PPARD: variants seen among roughly 807,000 people sequenced by gnomAD.
PPARD encodes the protein peroxisome proliferator-activated receptor delta.
Under a neutral mutation model 39.5 loss-of-function variants are expected in PPARD, and 6 were observed. The observed-to-expected ratio is 0.15, with a 90% CI of 0.08 to 0.30. The LOEUF is 0.30. Among genes scored for constraint, PPARD ranks in the 10% least tolerant of loss-of-function variants. PPARD has a pLI of 1.00. For synonymous variants in PPARD, 210 were observed against 231.3 expected, an observed-to-expected ratio of 0.91 and a Z score of 0.83; for missense variants, 397 against 596.8, an observed-to-expected ratio of 0.67 and a Z score of 3.49.
chr6:35,349,041 T>A (rs1761063336), intron 2 of PPARD: 1 of 980,448 alleles, frequency 1.0e-6, no homozygotes. Context: ...TTTTTTTTTT[T>A]TTGAGACGGA....
At chr6:35,354,297 A>G (rs1366028324) in intron 2 of PPARD, among the ~76,000 whole-genome samples, 5 of 149,394 alleles carry the variant, frequency 3.3e-5, no homozygotes, top group Non-Finnish European at 7.4e-5. Flanking sequence ...GTACTCATAC[A>G]ACCATTCTTT....
At chr6:35,362,603 G>C (rs1761987101) in intron 2 of PPARD, among the ~76,000 whole-genome samples, 2 of 152,274 alleles carry the variant, frequency 1.3e-5, no homozygotes, top group South Asian at 4.1e-4. Flanking sequence ...GGGGGTGGGG[G>C]TCTTGGGAAG....
intron 4 of PPARD, among the ~76,000 whole-genome samples, chr6:35,420,892 T>A (rs1766115289): frequency 1.5e-5 from 2 of 134,160 alleles, no homozygotes; most frequent in Non-Finnish European, 3.1e-5. Context: ...AGTGGCGTGA[T>A]CTCAGTTAAC....
intron 4 of PPARD, among the ~76,000 whole-genome samples, chr6:35,420,765 G>A (rs189610579): frequency 5.2e-4 from 74 of 142,338 alleles, no homozygotes; most frequent in African/African-American, 1.6e-3. Flanking sequence ...ATACATTTAT[G>A]AAGAAATCAA....
At chr6:35,351,690 A>G (rs1229542074) in intron 2 of PPARD, among the ~76,000 whole-genome samples, 1 of 151,996 alleles carries the variant, frequency 6.6e-6, no homozygotes, top group African/African-American at 2.4e-5. Context: ...AGTAGCTAGG[A>G]CTACAGGTAT....
intron 2 of PPARD, among the ~76,000 whole-genome samples, chr6:35,391,647 G>A (rs1764008902): frequency 6.6e-6 from 1 of 152,186 alleles, no homozygotes; most frequent in Non-Finnish European, 1.5e-5. Flanking sequence ...GAAAAGAGAC[G>A]ACTGTTTTCT....
At chr6:35,421,794 T>A (rs1474237885) in intron 4 of PPARD, 26 bp from the exon 5 acceptor site, 1 of 1,590,308 alleles carries the variant, frequency 6.3e-7, no homozygotes, top group Non-Finnish European at 8.6e-7. Context: ...CTGGTGGCCT[T>A]TCCTCACCTG....
chr6:35,361,573 T>C (rs1204040674), intron 2 of PPARD, among the ~76,000 whole-genome samples: 2 of 152,350 alleles, frequency 1.3e-5, no homozygotes, highest in South Asian at 4.1e-4. Context: ...TTGGCCTGCG[T>C]AGGTATTAAC....
At chr6:35,376,749 G>C (rs1017380619) in intron 2 of PPARD, among the ~76,000 whole-genome samples, 1 of 149,374 alleles carries the variant, frequency 6.7e-6, no homozygotes, top group Non-Finnish European at 1.5e-5. Context: ...CGCCGGGCAT[G>C]GTGGCTCACA....
At chr6:35,354,822 G>T (rs1761478546) in intron 2 of PPARD, among the ~76,000 whole-genome samples, 1 of 152,152 alleles carries the variant, frequency 6.6e-6, no homozygotes, top group Non-Finnish European at 1.5e-5. Context: ...TGATGGGTTT[G>T]TCCTTATAAG....
At chr6:35,381,313 G>T (rs1286650526) in intron 2 of PPARD, among the ~76,000 whole-genome samples, 3 of 152,146 alleles carry the variant, frequency 2.0e-5, no homozygotes, top group African/African-American at 4.8e-5. Context: ...GATTGGCCTT[G>T]TAAACTGTAG....
rs1001282094 is a variant in PPARD, at chr6:35,397,524, G to T, written c.-101-13463G>T. ...GTCTGGAATGGTCTGGAGTGGTCTG[G>T]AAAGCAGGGTCAGATACCCCTGGAA... On this transcript the variant is annotated intron_variant, in intron 2 of 7. Coordinates refer to ENST00000360694, the MANE Select transcript of PPARD (RefSeq NM_006238.5). The T allele has an allele frequency of 9.1e-6, 9 of 985,196 alleles. No individual in the cohort carries two copies. The Admixed American group carries it at 2.5e-4, about 27-fold the overall frequency. 61.0% of individuals were successfully genotyped at this position (985,196 alleles called of 1,614,324 possible).
chr6:35,374,129 C>T (rs1399980501), intron 2 of PPARD, among the ~76,000 whole-genome samples: 3 of 152,118 alleles, frequency 2.0e-5, no homozygotes, highest in African/African-American at 7.2e-5. Flanking sequence ...GCTGCACAGA[C>T]ACAGGGTTTC....
intron 2 of PPARD, among the ~76,000 whole-genome samples, chr6:35,351,173 C>T (rs1450682912): frequency 6.6e-6 from 1 of 151,678 alleles, no homozygotes. Flanking sequence ...CTACAGGTGC[C>T]CGCCACCACG....
intron 5 of PPARD, among the ~76,000 whole-genome samples, chr6:35,422,850 A>G (rs1259642534): frequency 6.6e-6 from 1 of 152,098 alleles, no homozygotes. Context: ...AGTGCTTACT[A>G]TGTGAGGATT....
At chr6:35,359,999 G>A (rs1022017490) in intron 2 of PPARD, among the ~76,000 whole-genome samples, 1 of 152,144 alleles carries the variant, frequency 6.6e-6, no homozygotes, top group Non-Finnish European at 1.5e-5. Context: ...GTACCTGCTT[G>A]ACTGGCCAGA....
At chr6:35,409,680 A>G (rs1322377935) in intron 2 of PPARD, among the ~76,000 whole-genome samples, 1 of 152,068 alleles carries the variant, frequency 6.6e-6, no homozygotes, top group East Asian at 1.9e-4. Context: ...AGTACCCGAT[A>G]GTTATTTTTT....
chr6:35,375,278 T>C (rs10080411), intron 2 of PPARD, among the ~76,000 whole-genome samples: 39,702 of 136,376 alleles, frequency 0.29, 10,304 homozygotes, highest in African/African-American at 0.69. Flanking sequence ...AGTGCAGTGG[T>C]GTAATCTCAG....
At chr6:35,397,791 C>T (rs1405755359) in intron 2 of PPARD, among the ~76,000 whole-genome samples, 1 of 152,044 alleles carries the variant, frequency 6.6e-6, no homozygotes, top group Non-Finnish European at 1.5e-5. Flanking sequence ...AAAGTTGAAG[C>T]AGGGAAGGGA....
Sources: allele counts gnomAD v4.1 joint callset (sites outside exome capture counted in the v4.1 genomes callset), GRCh38; gene constraint gnomAD v4.1.1; transcripts MANE v1.5; gene names NCBI Gene and HGNC (gene_info 2026-07-23, HGNC 2026-07-21).